The following GPR173 variants were observed in gnomAD, a reference collection of about 807,000 sequenced individuals.
GPR173 encodes the protein probable G protein-coupled receptor 173.
A neutral mutation model predicts 13.9 loss-of-function variants in GPR173; 2 were observed. The ratio of observed to expected loss-of-function variants is 0.14; its 90% CI spans 0.06 to 0.45. The LOEUF is 0.45. GPR173 is among the 20% of genes least tolerant of loss of function. The probability of loss-of-function intolerance (pLI) is 0.98; values close to 1 mark genes in which losing one functional copy is unlikely to be tolerated. For synonymous variants in GPR173, 131 were observed against 141.0 expected (o/e 0.93, Z 0.50); for missense variants, 202 against 340.5 (o/e 0.59, Z 3.20).
intron 1 of GPR173, among the ~76,000 whole-genome samples, chrX:53,068,002 AC>A (rs1394534020): frequency 8.9e-6 from 1 of 112,280 alleles, no homozygotes. Flanking sequence ...AATACCAATC[AC>A]AAGTAAATCA....
rs981985220 is a variant in GPR173, at chrX:53,079,515, T to G, written c.*1772T>G. 1 of 121,712 alleles carries G rather than the reference T, an allele frequency of 8.2e-6. No individual in the cohort carries two copies. The highest frequency in any genetic ancestry group is 1.9e-5 in the Non-Finnish European group (1 of 53,004). The allele number at this position is 121,712 out of a possible 1,213,427, so 10.0% of individuals were successfully genotyped here. ...CCTCCATTTCTTTTTTCTAACTGCC[T>G]GGATTCACCATTGGATTTTGTAAAT... is the stretch of plus-strand genomic sequence containing the variant. On this transcript the variant is annotated 3_prime_UTR_variant, in exon 2 of 2. Coordinates refer to ENST00000332582, the MANE Select transcript of GPR173 (RefSeq NM_018969.6).
intron 1 of GPR173, among the ~76,000 whole-genome samples, chrX:53,051,396 G>A (rs1219547440): frequency 9.0e-6 from 1 of 111,201 alleles, no homozygotes; most frequent in Non-Finnish European, 1.9e-5. Context: ...CCTGGTCTGT[G>A]GTCTGGAGGC....
In GPR173 at chrX:53,077,170, C is replaced by T. The variant is rs1556805955; in HGVS notation, c.549C>T (p.Ala183=). ...QCIFEHRYFK[A]NDTLGFMLML... is the part of the protein sequence containing the mutation. ...TCTTTGAGCATCGCTACTTCAAGGCCAATGACACGCTGGGCTTCATGCTTA... is the reference window on the plus strand; with the variant it reads ...TCTTTGAGCATCGCTACTTCAAGGCTAATGACACGCTGGGCTTCATGCTTA... Residue 183 remains alanine, a synonymous_variant, in exon 2 of 2, where the codon GCC becomes GCT. Coordinates refer to ENST00000332582, the MANE Select transcript of GPR173 (RefSeq NM_018969.6). 2 of 1,206,122 alleles carry T rather than the reference C, an allele frequency of 1.7e-6. No individual in the cohort carries two copies. The highest frequency in any genetic ancestry group is 4.4e-5 in the Admixed American group (2 of 45,797).
chrX:53,056,315 G>A (rs1001065346), intron 1 of GPR173, among the ~76,000 whole-genome samples: 4 of 110,320 alleles, frequency 3.6e-5, no homozygotes, highest in African/African-American at 1.3e-4. Context: ...TATGAAAGTA[G>A]GTGTATTTGA....
chrX:53,054,594 G>A (rs1932007674), intron 1 of GPR173, among the ~76,000 whole-genome samples: 2 of 109,716 alleles, frequency 1.8e-5, no homozygotes, highest in African/African-American at 6.6e-5. Context: ...TTTGGGATTG[G>A]GGGGGTGAGT....
At chrX:53,073,353 C>G (rs781975556) in intron 1 of GPR173, among the ~76,000 whole-genome samples, 2 of 110,827 alleles carry the variant, frequency 1.8e-5, no homozygotes, top group East Asian at 5.7e-4. Flanking sequence ...AGTTCCACCC[C>G]CTAATCCCAG....
chrX:53,074,548 TTATA>T (rs1446964670), intron 1 of GPR173, among the ~76,000 whole-genome samples: 2 of 20,071 alleles, frequency 1.0e-4, no homozygotes, highest in Non-Finnish European at 1.3e-4. Flanking sequence ...AAATATAGAT[TTATA>T]TATATTTATT....
chrX:53,052,166 T>C (rs1931966361), intron 1 of GPR173, among the ~76,000 whole-genome samples: 1 of 109,661 alleles, frequency 9.1e-6, no homozygotes, highest in Non-Finnish European at 1.9e-5. Flanking sequence ...TAGGGGAGAG[T>C]GTGTGAATGA....
At chrX:53,049,741 C>T (rs781786083) in intron 1 of GPR173, among the ~76,000 whole-genome samples, 1 of 112,033 alleles carries the variant, frequency 8.9e-6, no homozygotes, top group African/African-American at 3.2e-5. Flanking sequence ...CTGTTTTTAT[C>T]ATCATGGTTG....
At position 53,077,442 on chromosome X, in the gene GPR173, G is replaced by T. The variant is rs781934001; in HGVS notation, c.821G>T (p.Gly274Val). 8.3e-7 allele frequency: 1 copy of T among 1,209,406 alleles called. No individual in the cohort carries two copies. The highest frequency in any genetic ancestry group is 3.0e-5 in the East Asian group (1 of 33,778). The change falls in exon 2 of 2, where the codon GGC becomes GTC. Residue 274 changes from glycine to valine, a missense_variant. Coordinates refer to ENST00000332582, the MANE Select transcript of GPR173 (RefSeq NM_018969.6). ...NGHAASRRLL[G>V]MDEVKGEKQL... ...CATGCAGCCAGCCGGCGGCTACTGG[G>T]CATGGACGAGGTCAAGGGTGAAAAG...
chrX:53,053,006 G>A (rs1931984594), intron 1 of GPR173, among the ~76,000 whole-genome samples: 1 of 112,016 alleles, frequency 8.9e-6, no homozygotes, highest in Admixed American at 9.5e-5. Context: ...AGGTGTAAAT[G>A]ATTCCTCTTT....
chrX:53,066,091 C>A (rs1416450832), intron 1 of GPR173, among the ~76,000 whole-genome samples: 2 of 111,377 alleles, frequency 1.8e-5, no homozygotes, highest in East Asian at 5.6e-4. Flanking sequence ...CAGAGTGAGA[C>A]CCTGTTTCCA....
intron 1 of GPR173, among the ~76,000 whole-genome samples, chrX:53,072,820 A>G (rs1556804933): frequency 9.0e-6 from 1 of 111,717 alleles, no homozygotes; most frequent in African/African-American, 3.3e-5. Context: ...TCAGGCCTTG[A>G]AGGGCTGAAA....
At chrX:53,061,462 T>C (rs1295753467) in intron 1 of GPR173, among the ~76,000 whole-genome samples, 1 of 110,880 alleles carries the variant, frequency 9.0e-6, no homozygotes, top group Non-Finnish European at 1.9e-5. Context: ...CACATATCTG[T>C]CTGTATGTGC....
At chrX:53,052,340 T>G (rs1241794474) in intron 1 of GPR173, among the ~76,000 whole-genome samples, 1 of 111,598 alleles carries the variant, frequency 9.0e-6, no homozygotes, top group Non-Finnish European at 1.9e-5. Flanking sequence ...ATTGTGTTTG[T>G]GTGTACACTG....
At position 53,077,870 on chromosome X, in the gene GPR173, A is replaced by G; in HGVS notation, c.*127A>G. The G allele has an allele frequency of 3.8e-6, 2 of 523,080 alleles. No individual in the cohort carries two copies. Among genetic ancestry groups the G allele is most frequent in the Non-Finnish European group, 6.3e-6 (2 of 316,430 alleles). The allele number at this position is 523,080 out of a possible 1,213,427, so 43.1% of individuals were successfully genotyped here. A position where few individuals can be genotyped will look rare whatever the true frequency, so the allele number is the denominator to read the frequency against. ...AGCTCCAGCCCCAGCCCCTCGAACC[A>G]CCTGTAATCTAGGCACCTTTGCCAA... On this transcript the variant is annotated 3_prime_UTR_variant, in exon 2 of 2. Transcript: ENST00000332582.
intron 1 of GPR173, among the ~76,000 whole-genome samples, chrX:53,069,904 G>T (rs782742645): frequency 3.6e-5 from 4 of 110,824 alleles, no homozygotes; most frequent in African/African-American, 1.3e-4. Flanking sequence ...TTGTGTTAGA[G>T]CATGTGTGTG....
intron 1 of GPR173, among the ~76,000 whole-genome samples, chrX:53,062,712 C>T (rs1003148171): frequency 1.9e-5 from 2 of 107,139 alleles, no homozygotes; most frequent in Admixed American, 1.0e-4. Flanking sequence ...CACCTCAGCT[C>T]CCCGAGTTTT....
chrX:53,051,837 G>A (rs1556802723), intron 1 of GPR173, among the ~76,000 whole-genome samples: 1 of 110,884 alleles, frequency 9.0e-6, no homozygotes, highest in Admixed American at 9.6e-5. Flanking sequence ...GCATATTGGT[G>A]TGTGCTCATG....
Sources: gnomAD v4.1 joint callset for allele counts (sites outside exome capture counted in the v4.1 genomes callset) on GRCh38, gnomAD v4.1.1 for gene constraint, MANE v1.5 for transcripts, NCBI Gene and HGNC (gene_info 2026-07-23, HGNC 2026-07-21) for gene names.